DPP6: variants seen among roughly 807,000 people sequenced by gnomAD.
DPP6 encodes dipeptidyl peptidase like 6.
In DPP6, 69 loss-of-function variants were observed where a neutral mutation model predicts 122.6. The ratio of observed to expected loss-of-function variants is 0.56; its 90% CI spans 0.46 to 0.69. The LOEUF (loss-of-function observed/expected upper bound fraction) is 0.69, where lower values mean the gene tolerates loss of function less well. Ranked by LOEUF, DPP6 falls within the 30% of genes least tolerant of loss-of-function variation. The pLI, the probability that DPP6 is intolerant of heterozygous loss-of-function variation, is 0.00. For missense variants in DPP6, 928 were observed against 1,116.9 expected, an observed-to-expected ratio of 0.83 and a Z score of 2.41; for synonymous variants, 418 against 433.1, an observed-to-expected ratio of 0.97 and a Z score of 0.43.
In DPP6 at chr7:154,305,575, T is replaced by C. The variant is rs1405344643; in HGVS notation, c.244-140639T>C. The C allele has an allele frequency of 7.0e-6, 9 of 1,277,146 alleles. No homozygotes were observed. In the East Asian group the frequency reaches 2.8e-4, roughly 40 times the overall value. The allele number at this position is 1,277,146 out of a possible 1,614,324, so 79.1% of individuals were successfully genotyped here. On this transcript the variant is annotated intron_variant, in intron 1 of 25. Coordinates refer to ENST00000377770, the MANE Select transcript of DPP6 (RefSeq NM_130797.4). The stretch of plus-strand genomic sequence containing the variant: ...AGGTAATGCTGCTTTTGGGGGTCCG[T>C]GTGTGTGTGTGTGCGTGCGTGTGCA...
intron 16 of DPP6, among the ~76,000 whole-genome samples, chr7:154,843,021 C>T (rs989657408): frequency 9.8e-5 from 15 of 152,322 alleles, no homozygotes; most frequent in Admixed American, 9.1e-4. Context: ...TTTGGGAACA[C>T]GCACATAAGA....
At chr7:154,500,248 G>C (rs1563766589) in intron 3 of DPP6, among the ~76,000 whole-genome samples, 1 of 152,188 alleles carries the variant, frequency 6.6e-6, no homozygotes, top group African/African-American at 2.4e-5. Context: ...ATAGATAGTG[G>C]TGATGGTTGC....
intron 1 of DPP6, among the ~76,000 whole-genome samples, chr7:154,102,575 T>A (rs1805826976): frequency 6.6e-6 from 1 of 152,188 alleles, no homozygotes; most frequent in East Asian, 1.9e-4. Flanking sequence ...ATGTGCGTTT[T>A]TCCTTGTTCT....
chr7:154,238,454 G>A (rs539476070), intron 1 of DPP6, among the ~76,000 whole-genome samples: 1 of 152,256 alleles, frequency 6.6e-6, no homozygotes, highest in South Asian at 2.1e-4. Flanking sequence ...GCAATAACTG[G>A]CTAGCGTGGA....
the DPP6 span, among the ~76,000 whole-genome samples, chr7:153,875,908 C>T: frequency 7.7e-6 from 1 of 129,930 alleles, no homozygotes; most frequent in Non-Finnish European, 1.6e-5. Flanking sequence ...AAAAAAGCTG[C>T]CTAAAATATG....
intron 1 of DPP6, among the ~76,000 whole-genome samples, chr7:154,340,668 G>A (rs550090960): frequency 6.6e-6 from 1 of 152,196 alleles, no homozygotes; most frequent in Non-Finnish European, 1.5e-5. Flanking sequence ...AGAAGCACTG[G>A]TGATAGCAGC....
At chr7:154,616,142 A>G (rs1277381848) in intron 5 of DPP6, among the ~76,000 whole-genome samples, 3 of 152,154 alleles carry the variant, frequency 2.0e-5, no homozygotes, top group Admixed American at 1.3e-4. Context: ...TGGCGTTATC[A>G]GAGTCAGTCA....
intron 5 of DPP6, among the ~76,000 whole-genome samples, chr7:154,634,620 TCTC>T (rs890706036): frequency 6.1e-4 from 92 of 150,336 alleles, no homozygotes; most frequent in African/African-American, 1.7e-3. Flanking sequence ...AAAGCAGTTC[TCTC>T]CTCCTCCTCC....
the DPP6 span, among the ~76,000 whole-genome samples, chr7:153,809,042 C>T: frequency 6.6e-6 from 1 of 151,978 alleles, no homozygotes; most frequent in Non-Finnish European, 1.5e-5. Flanking sequence ...CTTTTCTTCA[C>T]GTCCCCACCA....
chr7:154,299,776 C>T (rs1306962192), intron 1 of DPP6, among the ~76,000 whole-genome samples: 2 of 152,262 alleles, frequency 1.3e-5, no homozygotes, highest in African/African-American at 4.8e-5. Context: ...CATAGTAGGT[C>T]CTGGATAAAC....
At chr7:154,307,750 G>A (rs937007812) in intron 1 of DPP6, among the ~76,000 whole-genome samples, 2 of 152,062 alleles carry the variant, frequency 1.3e-5, no homozygotes, top group African/African-American at 4.8e-5. Context: ...CTCTTAATGA[G>A]TTCTCCATTC....
rs1306781568 is a variant in DPP6 at position 154,600,331 on chromosome 7, G to T, written c.627+33415G>T. ...TTTTGTAGACATGGGGTTTCACCAT[G>T]TTGGCCAGGCTGGTCTCGAACTCCT... is the stretch of plus-strand genomic sequence containing the variant. On this transcript the variant is annotated intron_variant, in intron 5 of 25. Transcript: ENST00000377770. Among the ~76,000 whole-genome samples, 2 of 118,586 alleles carry T rather than the reference G, an allele frequency of 1.7e-5. 1 individual carries two copies. 77.8% of individuals were successfully genotyped at this position (118,586 alleles called of 152,430 possible).
At chr7:153,775,501 C>A in the DPP6 span, among the ~76,000 whole-genome samples, 2 of 151,584 alleles carry the variant, frequency 1.3e-5, no homozygotes, top group South Asian at 4.2e-4. Context: ...TAGCATCATA[C>A]TAGAAGTCCT....
chr7:154,656,794 T>G (rs867254979), intron 6 of DPP6, among the ~76,000 whole-genome samples: 256 of 32,422 alleles, frequency 7.9e-3, no homozygotes, highest in Middle Eastern at 0.045. Context: ...GGTACTCATG[T>G]GTGGGTGGAG....
chr7:154,737,212 C>T (rs770152795), intron 8 of DPP6, among the ~76,000 whole-genome samples: 18 of 152,134 alleles, frequency 1.2e-4, no homozygotes, highest in Non-Finnish European at 2.2e-4. Context: ...ACTTCGAGAG[C>T]GCTATGAAGA....
chr7:153,803,854 C>CATATATATATACACACAT, the DPP6 span, among the ~76,000 whole-genome samples: 1 of 150,926 alleles, frequency 6.6e-6, no homozygotes, highest in African/African-American at 2.4e-5. Context: ...CACACACACA[C>CATATATATATACACACAT]ATATATATAT....
intron 1 of DPP6, among the ~76,000 whole-genome samples, chr7:154,181,493 C>T (rs1585568838): frequency 6.6e-6 from 1 of 152,130 alleles, no homozygotes; most frequent in African/African-American, 2.4e-5. Context: ...TGATGACGGC[C>T]TTAAATAAAG....
the DPP6 span, among the ~76,000 whole-genome samples, chr7:153,843,471 G>A: frequency 2.0e-5 from 3 of 151,398 alleles, no homozygotes; most frequent in East Asian, 1.9e-4. Context: ...TCGGCAGGTC[G>A]AGAAATAATA....
chr7:154,078,056 G>C (rs966622500), intron 1 of DPP6, among the ~76,000 whole-genome samples: 2 of 152,010 alleles, frequency 1.3e-5, no homozygotes, highest in Admixed American at 1.3e-4. Context: ...AGATATTTCC[G>C]ACAGTGTGTC....
Sources: allele counts gnomAD v4.1 joint callset (sites outside exome capture counted in the v4.1 genomes callset), GRCh38; gene constraint gnomAD v4.1.1; transcripts MANE v1.5; gene names NCBI Gene and HGNC (gene_info 2026-07-23, HGNC 2026-07-21).